PPM1E: variants seen among roughly 807,000 people sequenced by gnomAD.
PPM1E encodes protein phosphatase 1E.
PPM1E carries 20 observed loss-of-function variants against 65.9 expected under a neutral mutation model. That is an observed-to-expected ratio of 0.30 (90% CI 0.21 to 0.44). The LOEUF is 0.44. Among genes scored for constraint, PPM1E ranks in the 20% least tolerant of loss-of-function variants. The probability of loss-of-function intolerance (pLI) is 1.00; values close to 1 mark genes in which losing one functional copy is unlikely to be tolerated. For synonymous variants in PPM1E, 352 were observed against 374.9 expected, an observed-to-expected ratio of 0.94 and a Z score of 0.70; for missense variants, 713 against 953.1, an observed-to-expected ratio of 0.75 and a Z score of 3.32.
intron 6 of PPM1E, 29 bp downstream of exon 6, chr17:58,972,954 A>G (rs2030731739): frequency 6.5e-7 from 1 of 1,532,870 alleles, no homozygotes; most frequent in Non-Finnish European, 9.0e-7. Context: ...TGTTTCTCCA[A>G]ACTGTCCTCT....
chr17:58,863,595 CT>C lies in PPM1E; in HGVS notation c.465-92049del, dbSNP rs201343973. ...GAGGGCAAAGGGCCAGTGTGACAGCCTTTTTGGGTTCCTGCACCCAGTGGTC... is the reference window on the plus strand; with the variant it reads ...GAGGGCAAAGGGCCAGTGTGACAGCCTTTTGGGTTCCTGCACCCAGTGGTC... On this transcript the variant is annotated intron_variant, in intron 1 of 6. Transcript: ENST00000308249. Among the ~76,000 whole-genome samples the C allele has an allele frequency of 2.8e-3, 428 of 152,266 alleles. 2 individuals are homozygous for C. The highest frequency in any genetic ancestry group is 9.9e-3 in the African/African-American group (413 of 41,562).
intron 1 of PPM1E, among the ~76,000 whole-genome samples, chr17:58,810,931 C>T (rs974408276): frequency 6.6e-6 from 1 of 152,026 alleles, no homozygotes; most frequent in Non-Finnish European, 1.5e-5. Flanking sequence ...AATCTTGGCT[C>T]TGTGCAACTT....
intron 1 of PPM1E, among the ~76,000 whole-genome samples, chr17:58,791,469 A>G (rs1334548416): frequency 6.6e-6 from 1 of 152,196 alleles, no homozygotes; most frequent in Non-Finnish European, 1.5e-5. Context: ...CGTGGCATAT[A>G]TGCTCAATAT....
intron 1 of PPM1E, among the ~76,000 whole-genome samples, chr17:58,798,999 G>A (rs1182121901): frequency 6.6e-6 from 1 of 152,052 alleles, no homozygotes; most frequent in East Asian, 1.9e-4. Flanking sequence ...CCAGCCCTGT[G>A]TTTTCTTATA....
intron 1 of PPM1E, among the ~76,000 whole-genome samples, chr17:58,836,693 G>C (rs1384152451): frequency 6.6e-6 from 1 of 150,554 alleles, no homozygotes; most frequent in African/African-American, 2.4e-5. Context: ...TCGAGCTCCT[G>C]ACCTTGTGAT....
intron 1 of PPM1E, among the ~76,000 whole-genome samples, chr17:58,934,087 C>CAAAA (rs11316368): frequency 4.0e-4 from 32 of 80,082 alleles, no homozygotes; most frequent in East Asian, 1.9e-3. Flanking sequence ...GACTTCGTAT[C>CAAAA]AAAAAAAAAA....
intron 1 of PPM1E, among the ~76,000 whole-genome samples, chr17:58,816,561 C>T (rs867343299): frequency 3.4e-4 from 52 of 150,838 alleles, no homozygotes; most frequent in African/African-American, 1.1e-3. Flanking sequence ...TTCCTTCCCC[C>T]ATCCCCTGCC....
intron 1 of PPM1E, among the ~76,000 whole-genome samples, chr17:58,794,483 G>A (rs2050187087): frequency 6.6e-6 from 1 of 152,158 alleles, no homozygotes; most frequent in Non-Finnish European, 1.5e-5. Flanking sequence ...GTGTTGTGGG[G>A]TTTGGTGTAC....
chr17:58,847,358 TG>T (rs1339928732), intron 1 of PPM1E, among the ~76,000 whole-genome samples: 2 of 152,242 alleles, frequency 1.3e-5, no homozygotes, highest in African/African-American at 4.8e-5. Context: ...GCCTATGGCC[TG>T]AATGGTATTG....
intron 1 of PPM1E, among the ~76,000 whole-genome samples, chr17:58,858,722 CACA>C (rs2050909427): frequency 1.3e-5 from 2 of 152,236 alleles, no homozygotes; most frequent in African/African-American, 4.8e-5. Flanking sequence ...TATTGTTGGA[CACA>C]ACAACATATG....
chr17:58,781,254 C>T (rs776322663), intron 1 of PPM1E, among the ~76,000 whole-genome samples: 5 of 151,520 alleles, frequency 3.3e-5, no homozygotes, highest in Non-Finnish European at 7.4e-5. Context: ...GATTCTCCTG[C>T]CCCAGCCTCC....
chr17:58,842,370 T>C, intron 1 of PPM1E, among the ~76,000 whole-genome samples: 1 of 152,210 alleles, frequency 6.6e-6, no homozygotes, highest in African/African-American at 2.4e-5. Context: ...GACCAGTTAA[T>C]AATAACTTTT....
At position 58,768,199 on chromosome 17, in the gene PPM1E, G is replaced by A. The variant is rs529262941; in HGVS notation, c.464+11738G>A. ...ACTCCTGGCCTCAAGTGATCTGCCC[G>A]CCTCAGCCTCTGAAAGTGCTAGGAC... On this transcript the variant is annotated intron_variant, in intron 1 of 6. Coordinates refer to ENST00000308249, the MANE Select transcript of PPM1E (RefSeq NM_014906.5). Among the ~76,000 whole-genome samples, 15 of 152,136 alleles carry A rather than the reference G, an allele frequency of 9.9e-5. No homozygotes were observed. The South Asian group carries it at 1.2e-3, about 13-fold the overall frequency.
At chr17:58,800,248 T>C (rs1402125193) in intron 1 of PPM1E, among the ~76,000 whole-genome samples, 1 of 152,152 alleles carries the variant, frequency 6.6e-6, no homozygotes, top group Admixed American at 6.6e-5. Flanking sequence ...TAAACCAACA[T>C]TGCATTTCTG....
chr17:58,983,505 T>C lies in PPM1E; in HGVS notation c.*2474T>C, dbSNP rs1307002364. 1 of 152,656 alleles carries C rather than the reference T, an allele frequency of 6.6e-6. No homozygotes were observed. The highest frequency in any genetic ancestry group is 1.5e-5 in the Non-Finnish European group (1 of 68,052). 9.5% of individuals were successfully genotyped at this position (152,656 alleles called of 1,614,324 possible). ...CCCTTCAGTTCAAATCCTGTGCCCT[T>C]ATTTGCTGCTTGCTGACGTAAGCAA... On this transcript the variant is annotated 3_prime_UTR_variant, in exon 7 of 7. Transcript: ENST00000308249.
chr17:58,778,471 A>G (rs1567830781), intron 1 of PPM1E, among the ~76,000 whole-genome samples: 2 of 134,714 alleles, frequency 1.5e-5, no homozygotes, highest in African/African-American at 2.8e-5. Context: ...GTGCAGTGTC[A>G]TGATCTTGGC....
chr17:58,795,946 A>G (rs1023954206), intron 1 of PPM1E, among the ~76,000 whole-genome samples: 25 of 152,118 alleles, frequency 1.6e-4, no homozygotes, highest in African/African-American at 5.8e-4. Flanking sequence ...TGTCAGATGC[A>G]TAGTTTGCAA....
chr17:58,972,355 CT>C (rs367596903), intron 5 of PPM1E, 80 bp downstream of exon 5: 137,166 of 1,069,778 alleles, frequency 0.13, 141 homozygotes, highest in South Asian at 0.17. Flanking sequence ...GATTCACTTA[CT>C]TTTTTTTTTT....
intron 1 of PPM1E, among the ~76,000 whole-genome samples, chr17:58,827,543 G>T (rs1001498206): frequency 1.3e-5 from 2 of 152,072 alleles, no homozygotes; most frequent in African/African-American, 2.4e-5. Flanking sequence ...TGAATATGTA[G>T]ATTTATTCAG....
Sources: allele counts gnomAD v4.1 joint callset (sites outside exome capture counted in the v4.1 genomes callset), GRCh38; gene constraint gnomAD v4.1.1; transcripts MANE v1.5; gene names NCBI Gene and HGNC (gene_info 2026-07-23, HGNC 2026-07-21).